The following PASK variants were observed in gnomAD, a reference collection of about 807,000 sequenced individuals.
PASK encodes the protein PAS domain containing serine/threonine kinase, also known as PAS domain-containing serine/threonine-protein kinase.
PASK carries 110 observed loss-of-function variants against 121.0 expected under a neutral mutation model. That is an observed-to-expected ratio of 0.91 (90% CI 0.78 to 1.06). The LOEUF (loss-of-function observed/expected upper bound fraction) is 1.06, where lower values mean the gene tolerates loss of function less well. Among genes scored for constraint, PASK ranks in the 50% least tolerant of loss-of-function variants. PASK has a pLI of 0.00. For missense variants in PASK, 1,643 were observed against 1,702.3 expected, an observed-to-expected ratio of 0.97 and a Z score of 0.61; for synonymous variants, 686 against 717.8, an observed-to-expected ratio of 0.96 and a Z score of 0.71.
rs148681400 is a variant in PASK, at chr2:241,133,146, C to G, written c.1307-116G>C. 45 of 1,026,308 alleles carry G rather than the reference C, an allele frequency of 4.4e-5. No individual in the cohort carries two copies. The East Asian group carries it at 1.1e-3, about 25-fold the overall frequency. 63.6% of individuals were successfully genotyped at this position (1,026,308 alleles called of 1,614,324 possible). A position where few individuals can be genotyped will look rare whatever the true frequency, so the allele number is the denominator to read the frequency against. ...TCACAGCATGACCAGCATCGACCAC[C>G]TCTCACCACCCCAGGCGTCCCAGGT... On this transcript the variant is annotated intron_variant, in intron 8 of 17. Transcript: ENST00000234040.
At chr2:241,115,216 A>T (rs776758531) in intron 13 of PASK, 39 bp from the exon 14 acceptor site, 44 of 1,613,894 alleles carry the variant, frequency 2.7e-5, no homozygotes, top group Non-Finnish European at 3.2e-5. Context: ...CTACCAAAAC[A>T]TCTTCAAGTC....
intron 7 of PASK, 82 bp from the exon 8 acceptor site, chr2:241,136,121 C>T: frequency 1.6e-6 from 2 of 1,245,348 alleles, no homozygotes; most frequent in Non-Finnish European, 1.2e-6. Context: ...GAGGAATGAA[C>T]ACAAGGAGAG....
Position 241,114,594 on chromosome 2 carries a change from T to C in PASK, c.3333+449A>G, listed in dbSNP as rs1000063982. The C allele has an allele frequency of 2.9e-6, 3 of 1,048,198 alleles. No homozygotes were observed. The African/African-American group carries it at 5.1e-5, about 18-fold the overall frequency. The allele number at this position is 1,048,198 out of a possible 1,614,324, so 64.9% of individuals were successfully genotyped here. On this transcript the variant is annotated intron_variant, in intron 14 of 17. Transcript: ENST00000234040. ...TAGACACGAAACAGATCAAGACAAATACTTACTGAAAAGTGAGAATGTCAG... is the reference window on the plus strand; with the variant it reads ...TAGACACGAAACAGATCAAGACAAACACTTACTGAAAAGTGAGAATGTCAG...
rs971322735 is a variant in PASK at position 241,136,934 on chromosome 2, C to T, written c.1137+70G>A. 3.1e-5 allele frequency: 46 copies of T among 1,465,422 alleles called. No individual in the cohort carries two copies. The South Asian group carries it at 5.1e-4, about 16-fold the overall frequency. 90.8% of individuals were successfully genotyped at this position (1,465,422 alleles called of 1,614,324 possible). A position where few individuals can be genotyped will look rare whatever the true frequency, so the allele number is the denominator to read the frequency against. On this transcript the variant is annotated intron_variant, in intron 7 of 17. Coordinates refer to ENST00000234040, the MANE Select transcript of PASK (RefSeq NM_015148.4). The stretch of plus-strand genomic sequence containing the variant: ...CCGGGTGCGAGGCCTGTGCCACACG[C>T]AAGCCCGCACTGCAGAGCACAGCAG...
rs1356977614 is a variant in PASK at position 241,108,946 on chromosome 2, T to G, written c.3534-646A>C. ...GGACTATTGTTACTTCCTGTCGCCGTAAACATCCTCATCCACGCTACCATT... is the reference window on the plus strand; with the variant it reads ...GGACTATTGTTACTTCCTGTCGCCGGAAACATCCTCATCCACGCTACCATT... On this transcript the variant is annotated intron_variant, in intron 15 of 17. Transcript: ENST00000234040. This position sits in a 1 kb window ranked among gnomAD's most constrained non-coding sequence, Gnocchi z 5.2. 2 of 157,918 alleles carry G rather than the reference T, an allele frequency of 1.3e-5. No individual in the cohort carries two copies. Among genetic ancestry groups the G allele is most frequent in the Non-Finnish European group, 2.8e-5 (2 of 71,282 alleles). 9.8% of individuals were successfully genotyped at this position (157,918 alleles called of 1,614,324 possible).
chr2:241,136,085 T>C (rs957586727), intron 7 of PASK, 46 bp from the exon 8 acceptor site: 1 of 1,519,286 alleles, frequency 6.6e-7, no homozygotes, highest in Non-Finnish European at 9.1e-7. Flanking sequence ...GGATCCACGC[T>C]GACCCACTGG....
intron 11 of PASK, 55 bp downstream of exon 11, chr2:241,123,894 A>T: frequency 1.4e-6 from 2 of 1,427,458 alleles, no homozygotes; most frequent in Non-Finnish European, 2.0e-6. Context: ...CAACTAGGAT[A>T]TTTGCCACAC....
chr2:241,149,572 TC>T, upstream of PASK: 15 of 1,369,442 alleles, frequency 1.1e-5, 1 homozygote, highest in Non-Finnish European at 1.0e-5. Flanking sequence ...CTAGCCAGAG[TC>T]TAGAAGCCCG....
At chr2:241,131,978 A>T (rs113620710) in intron 9 of PASK, among the ~76,000 whole-genome samples, 2 of 145,478 alleles carry the variant, frequency 1.4e-5, no homozygotes, top group East Asian at 2.2e-4. Flanking sequence ...CACTTGAACC[A>T]GGGGGCAGAA....
At position 241,115,432 on chromosome 2, in the gene PASK, G is replaced by A. The variant is rs115680121; in HGVS notation, c.3073-19C>T. On this transcript the variant is annotated intron_variant, in intron 12 of 17. Coordinates refer to ENST00000234040, the MANE Select transcript of PASK (RefSeq NM_015148.4). ...CCACCACCTGTGAGGAAGACAGAGC[G>A]TAGTGGAAATAGCTGGAGCCAGTCC... The A allele has an allele frequency of 6.4e-4, 1,026 of 1,613,590 alleles. 2 individuals are homozygous for A. Among genetic ancestry groups the A allele is most frequent in the Non-Finnish European group, 7.7e-4 (912 of 1,179,704 alleles).
rs147300059 is a variant in PASK at position 241,135,995 on chromosome 2, A to G, written c.1182T>C (p.Leu394=). 6.8e-6 allele frequency: 11 copies of G among 1,613,978 alleles called. No individual in the cohort carries two copies. The highest frequency in any genetic ancestry group is 1.3e-5 in the African/African-American group (1 of 74,946). ...LIPGFYSYMD[L]AYNSSLQLPD... Reference sequence around the variant, plus strand: ...GGAGCTGTAATGAGCTGTTGTACGCAAGGTCCATGTAGCTGTAGAAACCAG... The same window carrying G: ...GGAGCTGTAATGAGCTGTTGTACGCGAGGTCCATGTAGCTGTAGAAACCAG... The change falls in exon 8 of 18, where the codon CTT becomes CTC. Residue 394 remains leucine, a synonymous_variant. Transcript: ENST00000234040.
intron 9 of PASK, among the ~76,000 whole-genome samples, chr2:241,128,141 T>C (rs1323648527): frequency 6.6e-6 from 1 of 152,150 alleles, no homozygotes; most frequent in Admixed American, 6.5e-5. Context: ...ATTAGCCCGG[T>C]GAGGTGGCAG....
intron 11 of PASK, among the ~76,000 whole-genome samples, chr2:241,123,171 CTTCTT>C (rs869131040): frequency 5.7e-5 from 8 of 139,806 alleles, no homozygotes; most frequent in African/African-American, 2.3e-4. Context: ...TTTAAAGTGG[CTTCTT>C]TTTTTTTTTT....
chr2:241,136,233 T>A (rs888061362), intron 7 of PASK, among the ~76,000 whole-genome samples, 194 bp from the exon 8 acceptor site: 3 of 152,222 alleles, frequency 2.0e-5, no homozygotes, highest in Non-Finnish European at 4.4e-5. Flanking sequence ...GATCTGTGAT[T>A]TTCCCCTTAA....
intron 12 of PASK, among the ~76,000 whole-genome samples, chr2:241,120,092 T>TTA (rs2065541701): frequency 6.6e-6 from 1 of 152,158 alleles, no homozygotes; most frequent in Admixed American, 6.5e-5. Flanking sequence ...AGACAACACA[T>TTA]TTAATGGAGA....
In PASK at chr2:241,126,598, A is replaced by G. The variant is rs2065876751; in HGVS notation, c.2317T>C (p.Leu773=). 6.2e-7 allele frequency: 1 copy of G among 1,614,226 alleles called. No homozygotes were observed. Among genetic ancestry groups the G allele is most frequent in the African/African-American group, 1.3e-5 (1 of 75,062 alleles). Reference sequence around the variant, plus strand: ...ACATCTGGATCGGAGCCCACTGCCAAGGAAGAGGGTGTCTCTCTGAGTTCA... The same window carrying G: ...ACATCTGGATCGGAGCCCACTGCCAGGGAAGAGGGTGTCTCTCTGAGTTCA... ...TSELRETPSS[L]AVGSDPDVGS... Residue 773 remains leucine (L), a synonymous_variant, in exon 10 of 18, where the codon TTG becomes CTG. Transcript: ENST00000234040.
At chr2:241,131,634 G>C (rs2066137724) in intron 9 of PASK, among the ~76,000 whole-genome samples, 1 of 152,172 alleles carries the variant, frequency 6.6e-6, no homozygotes, top group African/African-American at 2.4e-5. Flanking sequence ...CCTCTGCCCT[G>C]ACCCAGGGCA....
chr2:241,122,587 C>A, intron 12 of PASK, 145 bp downstream of exon 12: 2 of 784,706 alleles, frequency 2.5e-6, no homozygotes, highest in Non-Finnish European at 4.5e-6. Context: ...TCTTTGAATC[C>A]GGAAACCGCC....
chr2:241,146,514 C>A (rs73011861), intron 1 of PASK, among the ~76,000 whole-genome samples: 40,619 of 152,016 alleles, frequency 0.27, 6,683 homozygotes, highest in Middle Eastern at 0.45. Flanking sequence ...CACTCTTTAA[C>A]AAGAAGATAG....
Sources: allele counts gnomAD v4.1 joint callset (sites outside exome capture counted in the v4.1 genomes callset), GRCh38; gene constraint gnomAD v4.1.1; non-coding constraint Gnocchi (gnomAD v3.1); transcripts MANE v1.5; gene names NCBI Gene and HGNC (gene_info 2026-07-23, HGNC 2026-07-21).